Variants in PPP3R1 observed in about 807,000 individuals in gnomAD.
PPP3R1 encodes calcineurin subunit B type 1.
A neutral mutation model predicts 22.6 loss-of-function variants in PPP3R1; 5 were observed. The ratio of observed to expected loss-of-function variants is 0.22; its 90% confidence interval spans 0.12 to 0.46. PPP3R1 has a LOEUF of 0.46. Among genes scored for constraint, PPP3R1 ranks in the 20% least tolerant of loss-of-function variants. The pLI, the probability that PPP3R1 is intolerant of heterozygous loss-of-function variation, is 0.99. For synonymous variants in PPP3R1, 56 were observed against 65.2 expected, an observed-to-expected ratio of 0.86 and a Z score of 0.68; for missense variants, 61 against 203.2, an observed-to-expected ratio of 0.30 and a Z score of 4.25.
At chr2:68,184,271 G>A (rs957437075) in intron 5 of PPP3R1, among the ~76,000 whole-genome samples, 2 of 152,126 alleles carry the variant, frequency 1.3e-5, no homozygotes, top group Admixed American at 1.3e-4. Flanking sequence ...ATCAATTTCT[G>A]AGCCTTTCAC....
chr2:68,201,293 T>C (rs1046905667), intron 2 of PPP3R1, among the ~76,000 whole-genome samples: 1 of 152,208 alleles, frequency 6.6e-6, no homozygotes. Flanking sequence ...AGAATGCATA[T>C]TTAAGAGTCT....
chr2:68,206,245 A>T (rs763146096), intron 2 of PPP3R1, among the ~76,000 whole-genome samples: 3 of 152,236 alleles, frequency 2.0e-5, no homozygotes, highest in Non-Finnish European at 2.9e-5. Flanking sequence ...ATATGGGAAA[A>T]TAAAGAGAAA....
intron 1 of PPP3R1, among the ~76,000 whole-genome samples, chr2:68,250,094 T>A (rs1670314411): frequency 6.6e-6 from 1 of 151,614 alleles, no homozygotes; most frequent in African/African-American, 2.4e-5. Context: ...ACCCTAAAGT[T>A]GGAAAGCCAC....
At chr2:68,216,356 A>T (rs1417041179) in intron 2 of PPP3R1, among the ~76,000 whole-genome samples, 2 of 152,142 alleles carry the variant, frequency 1.3e-5, no homozygotes, top group Non-Finnish European at 2.9e-5. Flanking sequence ...GGCTTTAGAC[A>T]ACAGAATTTT....
chr2:68,198,119 TATATATGTAAACATGTTTAC>T (rs1460842599), intron 2 of PPP3R1, among the ~76,000 whole-genome samples: 4 of 101,034 alleles, frequency 4.0e-5, no homozygotes, highest in Non-Finnish European at 7.5e-5. Context: ...TATATGTAAA[TATATATGTAAACATGTTTAC>T]ATATACAATA....
At chr2:68,189,605 C>T (rs747272333) in intron 2 of PPP3R1, among the ~76,000 whole-genome samples, 5 of 152,136 alleles carry the variant, frequency 3.3e-5, no homozygotes, top group African/African-American at 9.7e-5. Context: ...CAATGGCTCA[C>T]GCTTGTAATC....
chr2:68,238,475 G>C (rs917376998), intron 1 of PPP3R1, among the ~76,000 whole-genome samples: 8 of 152,126 alleles, frequency 5.3e-5, no homozygotes, highest in African/African-American at 1.7e-4. Flanking sequence ...ATCTGAGAAA[G>C]CAGCAGTTTG....
chr2:68,232,453 AT>A (rs1293400405), intron 1 of PPP3R1, among the ~76,000 whole-genome samples: 2 of 151,066 alleles, frequency 1.3e-5, no homozygotes, highest in African/African-American at 2.4e-5. Flanking sequence ...AAAAAAAAAA[AT>A]CTTATTTAGA....
intron 1 of PPP3R1, among the ~76,000 whole-genome samples, chr2:68,231,705 G>A (rs548446385): frequency 1.3e-5 from 2 of 152,110 alleles, no homozygotes; most frequent in Non-Finnish European, 2.9e-5. Flanking sequence ...CAAAAGTGGT[G>A]TTTTTTAAAA....
Position 68,185,232 on chromosome 2 carries a change from AG to A in PPP3R1, c.465+1235del, listed in dbSNP as rs1305969291. On this transcript the variant is annotated intron_variant, in intron 5 of 5. Coordinates refer to ENST00000234310, the MANE Select transcript of PPP3R1 (RefSeq NM_000945.4). ...GACTCCGTTTCAAAAAAAAAAAAAA[AG>A]AAAGCTTAAAAATAAACTAAAATAA... 2.0e-3 allele frequency among the ~76,000 whole-genome samples: 301 copies of A among 150,576 alleles called. 1 individual carries two copies. The highest frequency in any genetic ancestry group is 3.7e-3 in the Non-Finnish European group (251 of 67,638).
At chr2:68,247,130 A>G (rs889037655) in intron 1 of PPP3R1, among the ~76,000 whole-genome samples, 1 of 148,086 alleles carries the variant, frequency 6.8e-6, no homozygotes, top group Non-Finnish European at 1.5e-5. Context: ...TAATTTTTGT[A>G]TTTTTGTACA....
intron 1 of PPP3R1, among the ~76,000 whole-genome samples, chr2:68,245,188 T>C (rs1478730237): frequency 6.6e-6 from 1 of 152,062 alleles, no homozygotes; most frequent in Non-Finnish European, 1.5e-5. Flanking sequence ...CTGCGCAACA[T>C]GGCAAGACCC....
intron 2 of PPP3R1, among the ~76,000 whole-genome samples, chr2:68,194,803 C>T (rs937999036): frequency 1.3e-5 from 2 of 151,986 alleles, no homozygotes; most frequent in Admixed American, 1.3e-4. Context: ...AAATTTTAGC[C>T]AATTCCCAAT....
intron 1 of PPP3R1, among the ~76,000 whole-genome samples, chr2:68,243,596 A>C (rs549578109): frequency 1.3e-5 from 2 of 152,244 alleles, no homozygotes; most frequent in African/African-American, 4.8e-5. Flanking sequence ...AATAAGTACA[A>C]AAAAAAGTTC....
intron 1 of PPP3R1, among the ~76,000 whole-genome samples, chr2:68,242,981 A>G (rs1304788310): frequency 1.3e-5 from 2 of 152,210 alleles, no homozygotes; most frequent in African/African-American, 2.4e-5. Flanking sequence ...TTAGAAAAAG[A>G]GCTGGTCAAC....
intron 2 of PPP3R1, among the ~76,000 whole-genome samples, chr2:68,209,186 G>A (rs1228035458): frequency 2.7e-5 from 4 of 148,976 alleles, no homozygotes; most frequent in South Asian, 4.3e-4. Context: ...GTGAAACCCC[G>A]TCTCTACTAA....
intron 2 of PPP3R1, among the ~76,000 whole-genome samples, chr2:68,200,247 G>T (rs1179152383): frequency 6.9e-6 from 1 of 144,728 alleles, no homozygotes; most frequent in Non-Finnish European, 1.5e-5. Context: ...GATCTGCAAT[G>T]ATTTCAGTGC....
chr2:68,181,594 C>CTTTT (rs35684152), intron 5 of PPP3R1, among the ~76,000 whole-genome samples: 2 of 137,758 alleles, frequency 1.5e-5, no homozygotes, highest in African/African-American at 5.4e-5. Context: ...TCACATTTTC[C>CTTTT]TTTTTTTTTT....
intron 2 of PPP3R1, among the ~76,000 whole-genome samples, chr2:68,211,249 A>C (rs1409933474): frequency 6.6e-6 from 1 of 152,014 alleles, no homozygotes. Flanking sequence ...TACTAAAAAT[A>C]CAAAAAAATT....
Sources: gnomAD v4.1 joint callset for allele counts (sites outside exome capture counted in the v4.1 genomes callset) on GRCh38, gnomAD v4.1.1 for gene constraint, MANE v1.5 for transcripts, NCBI Gene and HGNC (gene_info 2026-07-23, HGNC 2026-07-21) for gene names.